Variants in TEDC1 observed in about 807,000 individuals in gnomAD.
TEDC1 encodes the protein tubulin epsilon and delta complex protein 1.
TEDC1 carries 54 observed loss-of-function variants against 59.9 expected under a neutral mutation model. The ratio of observed to expected loss-of-function variants is 0.90; its 90% CI spans 0.72 to 1.13. TEDC1 has a LOEUF of 1.13. Among genes scored for constraint, TEDC1 ranks in the 50% most tolerant of loss-of-function variants. The probability of loss-of-function intolerance (pLI) is 0.00; values close to 1 mark genes in which losing one functional copy is unlikely to be tolerated. For synonymous variants in TEDC1, 353 were observed against 298.1 expected, an observed-to-expected ratio of 1.18 and a Z score of -1.90; for missense variants, 734 against 683.4, an observed-to-expected ratio of 1.07 and a Z score of -0.83.
upstream of TEDC1, chr14:105,490,844 G>C (rs1437022185): frequency 1.5e-6 from 1 of 664,614 alleles, no homozygotes; most frequent in East Asian, 2.7e-5. Context: ...CGGAGTCTGC[G>C]CGCTCCCGCC....
At position 105,497,422 on chromosome 14, in the gene TEDC1, G is replaced by A. The variant is rs1555440660; in HGVS notation, c.957G>A (p.Glu319=). ...LEAVLAWRRS[E]LVFWRWMDTV... ...CTGTCCTGGCGTGGCGGCGCTCTGA[G>A]CTGGTCTTCTGGCGGTGGATGGTGA... is the stretch of plus-strand genomic sequence containing the variant. The change falls in exon 7 of 9, where the codon GAG becomes GAA. Residue 319 remains glutamate, a synonymous_variant. Transcript: ENST00000392523. 2 of 1,550,306 alleles carry A rather than the reference G, an allele frequency of 1.3e-6. No homozygotes were observed. The highest frequency in any genetic ancestry group is 1.7e-6 in the Non-Finnish European group (2 of 1,148,692).
Position 105,491,419 on chromosome 14 carries a change from G to A in TEDC1, c.44G>A (p.Arg15Gln). 13 of 1,418,044 alleles carry A rather than the reference G, an allele frequency of 9.2e-6. No individual in the cohort carries two copies. Among genetic ancestry groups the A allele is most frequent in the Non-Finnish European group, 1.2e-5 (13 of 1,095,464 alleles). 87.8% of individuals were successfully genotyped at this position (1,418,044 alleles called of 1,614,324 possible). ...CGGGTGGACCCCGCGGCTGGGGCCCGGGCCGGGGCCCTGCCTGAGGCCATC... is the reference window on the plus strand; with the variant it reads ...CGGGTGGACCCCGCGGCTGGGGCCCAGGCCGGGGCCCTGCCTGAGGCCATC... Reference protein sequence around the residue: ...RQRVDPAAGARAGALPEAIAA... With the variant: ...RQRVDPAAGAQAGALPEAIAA... The change falls in exon 1 of 9, where the codon CGG becomes CAG. Residue 15 changes from arginine to glutamine, a missense_variant. Coordinates refer to ENST00000392523, the MANE Select transcript of TEDC1 (RefSeq NM_001367178.1).
At chr14:105,494,635 C>T (rs1203596391) in intron 5 of TEDC1, 2 of 152,602 alleles carry the variant, frequency 1.3e-5, no homozygotes, top group African/African-American at 4.8e-5. Context: ...GGCTGTGTGA[C>T]CTTGGGGAGA....
upstream of TEDC1, chr14:105,490,327 C>A (rs1364649279): frequency 6.6e-6 from 1 of 152,406 alleles, no homozygotes; most frequent in African/African-American, 2.4e-5. Flanking sequence ...CCTCTCCCGC[C>A]GTCCTCGCAG....
At position 105,498,955 on chromosome 14, in the gene TEDC1, C is replaced by G; in HGVS notation, c.*9C>G. 1 of 1,590,864 alleles carries G rather than the reference C, an allele frequency of 6.3e-7. No individual in the cohort carries two copies. Among genetic ancestry groups the G allele is most frequent in the Non-Finnish European group, 8.6e-7 (1 of 1,168,126 alleles). ...CGCCACCTGGACGCTGAGGGCCTGTCGACGGGCCCTCGTGTGGGAAGCCTG... is the reference window on the plus strand; with the variant it reads ...CGCCACCTGGACGCTGAGGGCCTGTGGACGGGCCCTCGTGTGGGAAGCCTG... On this transcript the variant is annotated 3_prime_UTR_variant, in exon 9 of 9. Transcript: ENST00000392523.
upstream of TEDC1, chr14:105,490,772 G>A (rs2084187791): frequency 1.6e-5 from 8 of 514,942 alleles, no homozygotes; most frequent in Admixed American, 1.0e-4. Flanking sequence ...AGCCTGGAAG[G>A]CGGCGCGATG....
In TEDC1 at chr14:105,495,703, C is replaced by G. The variant is rs181267488; in HGVS notation, c.685-177C>G. 737 of 609,756 alleles carry G rather than the reference C, an allele frequency of 1.2e-3. 7 individuals are homozygous for G. The African/African-American group carries it at 0.012, about 10-fold the overall frequency. The allele number at this position is 609,756 out of a possible 1,614,324, so 37.8% of individuals were successfully genotyped here. On this transcript the variant is annotated intron_variant, in intron 5 of 8. Coordinates refer to ENST00000392523, the MANE Select transcript of TEDC1 (RefSeq NM_001367178.1). ...GCCCAGGCTTCTGGCCCCTGGGACC[C>G]CTGGGTTGGGGCAGAGGAGAGGCTG...
Position 105,499,062 on chromosome 14 carries a change from C to G in TEDC1, c.*116C>G. On this transcript the variant is annotated 3_prime_UTR_variant, in exon 9 of 9. Coordinates refer to ENST00000392523, the MANE Select transcript of TEDC1 (RefSeq NM_001367178.1). Reference sequence around the variant, plus strand: ...AGGGACGATGCAGATGCAGAGCCCACGTCACATGCTCGCTCCAGGGGTGGG... The same window carrying G: ...AGGGACGATGCAGATGCAGAGCCCAGGTCACATGCTCGCTCCAGGGGTGGG... 2.6e-6 allele frequency: 3 copies of G among 1,137,270 alleles called. No individual in the cohort carries two copies. Among genetic ancestry groups the G allele is most frequent in the Non-Finnish European group, 3.7e-6 (3 of 821,064 alleles). 70.4% of individuals were successfully genotyped at this position (1,137,270 alleles called of 1,614,324 possible).
At chr14:105,496,686 C>T (rs1465602303) in intron 6 of TEDC1, 3 of 158,836 alleles carry the variant, frequency 1.9e-5, no homozygotes, top group African/African-American at 7.2e-5. Context: ...TGGCCATTCT[C>T]CAGCCGCCTG....
chr14:105,498,905 G>A lies in TEDC1; in HGVS notation c.1447G>A (p.Ala483Thr). The A allele has an allele frequency of 1.2e-6, 2 of 1,610,954 alleles. No individual in the cohort carries two copies. The highest frequency in any genetic ancestry group is 1.7e-6 in the Non-Finnish European group (2 of 1,179,540). ...CRQELARLVG[A>T]RPGLIWIPPP... ...GCAGGAACTGGCCAGGCTGGTGGGA[G>A]CCCGCCCTGGTCTCATCTGGATCCC... The change falls in exon 9 of 9, where the codon GCC becomes ACC. Residue 483 changes from alanine (A) to threonine (T), a missense_variant. By Grantham distance (58) the Ala-to-Thr change is moderately conservative. Coordinates refer to ENST00000392523, the MANE Select transcript of TEDC1 (RefSeq NM_001367178.1).
rs2084375251 is a variant in TEDC1, at chr14:105,497,562, C to T, written c.978+119C>T. 4 of 1,258,102 alleles carry T rather than the reference C, an allele frequency of 3.2e-6. No individual in the cohort carries two copies. In the South Asian group the frequency reaches 4.3e-5, roughly 14 times the overall value. 77.9% of individuals were successfully genotyped at this position (1,258,102 alleles called of 1,614,324 possible). ...AGGGGCTTTTAGGGAGGCCACAGAC[C>T]TAGTGTAGGCTCTTTCTAGGACTTC... On this transcript the variant is annotated intron_variant, in intron 7 of 8. Transcript: ENST00000392523.
Position 105,498,943 on chromosome 14 carries a change from C to T in TEDC1, c.1485C>T (p.Arg495=), listed in dbSNP as rs781876589. ...PGLIWIPPPG[R] Reference sequence around the variant, plus strand: ...TCATCTGGATCCCGCCACCTGGACGCTGAGGGCCTGTCGACGGGCCCTCGT... The same window carrying T: ...TCATCTGGATCCCGCCACCTGGACGTTGAGGGCCTGTCGACGGGCCCTCGT... Residue 495 remains arginine (R), a synonymous_variant, in exon 9 of 9, where the codon CGC becomes CGT. Coordinates refer to ENST00000392523, the MANE Select transcript of TEDC1 (RefSeq NM_001367178.1). 1.9e-6 allele frequency: 3 copies of T among 1,600,262 alleles called. No individual in the cohort carries two copies. Among genetic ancestry groups the T allele is most frequent in the South Asian group, 2.2e-5 (2 of 89,368 alleles).
intron 4 of TEDC1, among the ~76,000 whole-genome samples, chr14:105,493,215 A>G (rs773424032): frequency 3.3e-5 from 5 of 152,016 alleles, no homozygotes; most frequent in Non-Finnish European, 5.9e-5. Context: ...GTCCACTGTG[A>G]GGCCAGCGCT....
At chr14:105,491,059 C>T (rs1555439124), upstream of TEDC1, 1 of 1,551,372 alleles carries the variant, frequency 6.4e-7, no homozygotes. Flanking sequence ...GTTCATTGGG[C>T]TTGGACACGA....
At chr14:105,497,029 G>T in intron 6 of TEDC1, 1 of 439,500 alleles carries the variant, frequency 2.3e-6, no homozygotes, top group South Asian at 2.6e-5. Flanking sequence ...GACCTTGTTG[G>T]ACTGGCAGTG....
chr14:105,498,143 G>A (rs2084389616), intron 8 of TEDC1, among the ~76,000 whole-genome samples, 166 bp downstream of exon 8: 1 of 152,180 alleles, frequency 6.6e-6, no homozygotes, highest in African/African-American at 2.4e-5. Context: ...ACCTGGTGAG[G>A]AGCCGCAGCT....
intron 8 of TEDC1, 87 bp downstream of exon 8, chr14:105,498,064 T>C (rs1410553218): frequency 1.5e-6 from 2 of 1,374,192 alleles, no homozygotes; most frequent in Non-Finnish European, 1.9e-6. Flanking sequence ...TGCTGAATCC[T>C]ACAGTTGCAT....
intron 6 of TEDC1, 80 bp from the exon 7 acceptor site, chr14:105,497,277 G>T: frequency 7.2e-7 from 1 of 1,384,258 alleles, no homozygotes; most frequent in Non-Finnish European, 1.0e-6. Context: ...GGGTGTCGGC[G>T]CTGGGTCCAG....
Position 105,497,933 on chromosome 14 carries a change from C to T in TEDC1, c.1114C>T (p.Leu372=), listed in dbSNP as rs144028188. Residue 372 remains leucine, a synonymous_variant, in exon 8 of 9, where the codon CTG becomes TTG. Transcript: ENST00000392523. ...VRELQALEEE[L]REAAERRRAA... ...GGAGCTGCAGGCACTGGAGGAGGAG[C>T]TGCGGGAGGCTGCGGAGCGCAGGCG... The T allele has an allele frequency of 2.4e-5, 37 of 1,546,562 alleles. No homozygotes were observed. In the African/African-American group the frequency reaches 4.5e-4, roughly 19 times the overall value.
Sources: gnomAD v4.1 joint callset for allele counts (sites outside exome capture counted in the v4.1 genomes callset) on GRCh38, gnomAD v4.1.1 for gene constraint, MANE v1.5 for transcripts, NCBI Gene and HGNC (gene_info 2026-07-23, HGNC 2026-07-21) for gene names.